Variants in FREM2 observed in about 807,000 individuals in gnomAD.
The protein encoded by FREM2 is FRAS1-related extracellular matrix protein 2.
FREM2 carries 119 observed loss-of-function variants against 219.9 expected under a neutral mutation model. That is an observed-to-expected ratio of 0.54 (90% CI 0.47 to 0.63). The LOEUF (loss-of-function observed/expected upper bound fraction) is 0.63. Among genes scored for constraint, FREM2 ranks in the 30% least tolerant of loss-of-function variants. The probability of loss-of-function intolerance (pLI) is 0.00; values close to 1 mark genes in which losing one functional copy is unlikely to be tolerated. For missense variants in FREM2, 4,030 were observed against 3,993.6 expected (o/e 1.01, Z -0.25); for synonymous variants, 1,562 against 1,522.8 (o/e 1.03, Z -0.60).
intron 6 of FREM2, among the ~76,000 whole-genome samples, chr13:38,841,918 A>G (rs1876977717): frequency 6.6e-6 from 1 of 152,232 alleles, no homozygotes. Context: ...TAGAGAACTC[A>G]GAGACAATGG....
intron 4 of FREM2, among the ~76,000 whole-genome samples, chr13:38,773,963 TA>T (rs1032222695): frequency 2.3e-4 from 34 of 150,654 alleles, no homozygotes; most frequent in African/African-American, 6.1e-4. Flanking sequence ...AGGCAGTATT[TA>T]AAAAAAATAT....
intron 2 of FREM2, among the ~76,000 whole-genome samples, chr13:38,711,484 C>G (rs1870767121): frequency 6.6e-6 from 1 of 152,036 alleles, no homozygotes; most frequent in Admixed American, 6.5e-5. Context: ...GTGTTTTTTA[C>G]CATATTGTTT....
At chr13:38,734,737 A>G (rs1028188910) in intron 2 of FREM2, among the ~76,000 whole-genome samples, 1 of 103,232 alleles carries the variant, frequency 9.7e-6, no homozygotes, top group Non-Finnish European at 2.0e-5. Flanking sequence ...GCAGTGCTAT[A>G]CTTTTTTTTT....
intron 2 of FREM2, among the ~76,000 whole-genome samples, chr13:38,714,451 C>T (rs933787228): frequency 8.6e-5 from 13 of 152,028 alleles, no homozygotes; most frequent in African/African-American, 2.9e-4. Flanking sequence ...AGTTGTGAGA[C>T]TGAGCAAAGG....
chr13:38,687,449 G>GCTT lies in FREM2; in HGVS notation c.108_110dup (p.Leu38dup). The GCTT allele has an allele frequency of 2.5e-6, 4 of 1,593,484 alleles. No homozygotes were observed. The highest frequency in any genetic ancestry group is 8.5e-7 in the Non-Finnish European group (1 of 1,170,266). ...CGCCCCGGCTGCTGCTGCTGCTGCT[G>GCTT]CTTCTCCTGTCACTGGTAAGCCGCG... On this transcript the variant is annotated inframe_insertion, in exon 1 of 24. Coordinates refer to ENST00000280481, the MANE Select transcript of FREM2 (RefSeq NM_207361.6).
intron 2 of FREM2, among the ~76,000 whole-genome samples, chr13:38,754,965 C>T (rs913402036): frequency 3.3e-5 from 5 of 151,032 alleles, no homozygotes; most frequent in East Asian, 1.9e-4. Context: ...TGCAGTGGTA[C>T]GATCTCAGCT....
Position 38,876,120 on chromosome 13 carries a change from C to T in FREM2, c.8380C>T (p.Gln2794Ter), listed in dbSNP as rs1878330936. The T allele has an allele frequency of 6.2e-7, 1 of 1,614,030 alleles. No homozygotes were observed. Among genetic ancestry groups the T allele is most frequent in the African/African-American group, 1.3e-5 (1 of 74,916 alleles). The change falls in exon 19 of 24, where the codon CAG (glutamine) becomes TAG (stop). Residue 2794 changes from glutamine to a stop codon, truncating the protein, a stop_gained. Coordinates refer to ENST00000280481, the MANE Select transcript of FREM2 (RefSeq NM_207361.6). LOFTEE classifies it high-confidence loss of function. ...RSEPTYNQPV[Q>*]QWSFVSDFAV... Reference sequence around the variant, plus strand: ...TGAACCAACCTATAACCAGCCAGTACAGCAGTGGAGCTTTGTCTCTGACTT... The same window carrying T: ...TGAACCAACCTATAACCAGCCAGTATAGCAGTGGAGCTTTGTCTCTGACTT...
intron 3 of FREM2, among the ~76,000 whole-genome samples, chr13:38,766,830 T>A (rs187927329): frequency 6.6e-6 from 1 of 152,338 alleles, no homozygotes; most frequent in Admixed American, 6.5e-5. Context: ...ACTTTATCTA[T>A]CTCTTTTATA....
At chr13:38,808,560 C>G (rs4375543) in intron 6 of FREM2, among the ~76,000 whole-genome samples, 101,740 of 151,650 alleles carry the variant, frequency 0.67, 34,272 homozygotes, top group East Asian at 0.69. Flanking sequence ...TTTCAGTATT[C>G]TTGTGTCTCA....
Position 38,878,951 on chromosome 13 carries a change from A to G in FREM2, c.8980A>G (p.Lys2994Glu), listed in dbSNP as rs1414062603. 3 of 1,614,070 alleles carry G rather than the reference A, an allele frequency of 1.9e-6. No homozygotes were observed. Among genetic ancestry groups the G allele is most frequent in the Admixed American group, 1.7e-5 (1 of 60,008 alleles). The change falls in exon 23 of 24, where the codon AAA becomes GAA. Residue 2994 changes from lysine (K) to glutamate (E), a missense_variant. By Grantham distance (56) the Lys-to-Glu change is moderately conservative. This residue lies in a region of FREM2 where 928 missense variants were observed against 1,042.9 expected (regional missense o/e 0.89). Coordinates refer to ENST00000280481, the MANE Select transcript of FREM2 (RefSeq NM_207361.6). ...GAATCAGCCTGGATCTGATGGATTT[A>G]AAGTCGACTCAACACCACTCTTTCA... ...LVNQPGSDGF[K>E]VDSTPLFQVA...
intron 2 of FREM2, among the ~76,000 whole-genome samples, chr13:38,740,589 G>T (rs1872203782): frequency 6.6e-6 from 1 of 152,118 alleles, no homozygotes; most frequent in Non-Finnish European, 1.5e-5. Context: ...CATAAGAAAA[G>T]AAATAAATCA....
chr13:38,764,556 T>C, intron 3 of FREM2, 106 bp downstream of exon 3: 1 of 709,610 alleles, frequency 1.4e-6, no homozygotes, highest in South Asian at 2.1e-5. Context: ...AGCTTAAAGT[T>C]AAAATTTAAA....
chr13:38,856,186 G>A lies in FREM2; in HGVS notation c.6986G>A (p.Gly2329Glu), dbSNP rs1336714710. 3 of 1,612,144 alleles carry A rather than the reference G, an allele frequency of 1.9e-6. No homozygotes were observed. Residue 2329 changes from glycine to glutamate, a missense_variant, in exon 12 of 24, where the codon GGG becomes GAG. Physicochemically the swap from Gly to Glu is moderately conservative, Grantham distance 98 (BLOSUM62 -2). This residue lies in a region of FREM2 where 3,102 missense variants were observed against 2,950.7 expected (regional missense o/e 1.05). Coordinates refer to ENST00000280481, the MANE Select transcript of FREM2 (RefSeq NM_207361.6). ...GTTGAAATCGAAGTTACCTTTGACG[G>A]GGTGAGAGAGATGAGAGAGGCCTTC... ...HVVEIEVTFD[G>E]VREMREAFTV...
intron 16 of FREM2, among the ~76,000 whole-genome samples, chr13:38,869,819 C>G (rs746772717): frequency 6.6e-6 from 1 of 152,154 alleles, no homozygotes; most frequent in African/African-American, 2.4e-5. Flanking sequence ...TTAGAACTAT[C>G]AGATAGTTTG....
intron 1 of FREM2, among the ~76,000 whole-genome samples, chr13:38,694,888 T>C (rs1870040818): frequency 1.3e-5 from 2 of 152,154 alleles, no homozygotes; most frequent in Admixed American, 1.3e-4. Context: ...TACGTAATGA[T>C]ATATTCTGTG....
chr13:38,866,323 C>T (rs563175747), intron 16 of FREM2, among the ~76,000 whole-genome samples: 141 of 151,876 alleles, frequency 9.3e-4, no homozygotes, highest in Non-Finnish European at 8.1e-4. Context: ...GGAGAAACCC[C>T]GTCTCTACTA....
chr13:38,824,890 C>T (rs763284291), intron 6 of FREM2, among the ~76,000 whole-genome samples: 19 of 151,500 alleles, frequency 1.3e-4, no homozygotes, highest in Admixed American at 2.0e-4. Flanking sequence ...TGGGGAAGGA[C>T]GGTTTTCATT....
intron 2 of FREM2, among the ~76,000 whole-genome samples, chr13:38,738,387 G>A (rs1422178553): frequency 2.0e-5 from 3 of 151,806 alleles, no homozygotes; most frequent in Non-Finnish European, 4.4e-5. Flanking sequence ...GCAACATGGT[G>A]AAACCCCACC....
chr13:38,811,876 A>G (rs915885021), intron 6 of FREM2, among the ~76,000 whole-genome samples: 2 of 152,154 alleles, frequency 1.3e-5, no homozygotes, highest in South Asian at 2.1e-4. Flanking sequence ...GATCTGTCCA[A>G]TGCTGAATGT....
Sources: allele counts gnomAD v4.1 joint callset (sites outside exome capture counted in the v4.1 genomes callset), GRCh38; gene constraint gnomAD v4.1.1; regional missense constraint gnomAD v4.1.1; transcripts MANE v1.5; gene names NCBI Gene and HGNC (gene_info 2026-07-23, HGNC 2026-07-21).